Variants in ZNF804B observed in about 807,000 individuals in gnomAD.
ZNF804B encodes the protein zinc finger protein 804B, also known as zinc finger 804B.
ZNF804B carries 80 observed loss-of-function variants against 101.4 expected under a neutral mutation model. The observed-to-expected ratio is 0.79, with a 90% CI of 0.66 to 0.95. The LOEUF is 0.95. ZNF804B is among the 40% of genes least tolerant of loss of function. The pLI is 0.00. For synonymous variants in ZNF804B, 622 were observed against 558.8 expected (o/e 1.11, Z -1.59); for missense variants, 1,673 against 1,561.9 (o/e 1.07, Z -1.20).
chr7:89,064,972 T>C (rs1228884970), intron 1 of ZNF804B, among the ~76,000 whole-genome samples: 1 of 151,964 alleles, frequency 6.6e-6, no homozygotes. Flanking sequence ...AGGAGAAGGC[T>C]AGAAGGGAAA....
At chr7:89,255,898 A>G (rs1185740805) in intron 2 of ZNF804B, among the ~76,000 whole-genome samples, 1 of 152,182 alleles carries the variant, frequency 6.6e-6, no homozygotes, top group Middle Eastern at 3.2e-3. Flanking sequence ...GGCATTTTGC[A>G]GAGGGGGTAA....
intron 2 of ZNF804B, among the ~76,000 whole-genome samples, chr7:89,248,301 A>G (rs1789482694): frequency 6.6e-6 from 1 of 152,140 alleles, no homozygotes; most frequent in Non-Finnish European, 1.5e-5. Context: ...CAAGGCATGT[A>G]GTCACCAGTC....
At chr7:89,300,262 T>C (rs1790453164) in intron 2 of ZNF804B, among the ~76,000 whole-genome samples, 1 of 151,760 alleles carries the variant, frequency 6.6e-6, no homozygotes, top group African/African-American at 2.4e-5. Context: ...TTCTGTCTCA[T>C]CTCTTACCTT....
chr7:88,865,906 CT>C (rs1791719291), intron 1 of ZNF804B, among the ~76,000 whole-genome samples: 1 of 152,222 alleles, frequency 6.6e-6, no homozygotes, highest in Non-Finnish European at 1.5e-5. Flanking sequence ...GCATCCTGCC[CT>C]TCCCTGAATC....
chr7:89,252,182 T>A (rs1393043778), intron 2 of ZNF804B, among the ~76,000 whole-genome samples: 1 of 152,032 alleles, frequency 6.6e-6, no homozygotes, highest in Non-Finnish European at 1.5e-5. Flanking sequence ...ATGTCGAGAA[T>A]CTATAAAAAA....
chr7:88,984,883 C>A (rs1793738865), intron 1 of ZNF804B, among the ~76,000 whole-genome samples: 1 of 151,888 alleles, frequency 6.6e-6, no homozygotes, highest in Admixed American at 6.6e-5. Flanking sequence ...TTTTTTTAAT[C>A]TCCAGAGACA....
chr7:88,777,124 A>G (rs1185223787), intron 1 of ZNF804B, among the ~76,000 whole-genome samples: 1 of 152,284 alleles, frequency 6.6e-6, no homozygotes, highest in African/African-American at 2.4e-5. Flanking sequence ...CTTTGCAGGC[A>G]TCCATGAGCC....
At chr7:88,940,745 G>A (rs1022487678) in intron 1 of ZNF804B, among the ~76,000 whole-genome samples, 10 of 146,052 alleles carry the variant, frequency 6.8e-5, no homozygotes, top group African/African-American at 1.8e-4. Flanking sequence ...GCCAGCCTGG[G>A]CAACAAAGTG....
intron 1 of ZNF804B, among the ~76,000 whole-genome samples, chr7:88,890,025 A>G (rs1792192641): frequency 6.6e-6 from 1 of 152,160 alleles, no homozygotes; most frequent in South Asian, 2.1e-4. Flanking sequence ...CACTTATTGA[A>G]CAAGGAGTCC....
intron 1 of ZNF804B, among the ~76,000 whole-genome samples, chr7:88,907,711 G>A (rs535089991): frequency 6.6e-6 from 1 of 151,846 alleles, no homozygotes; most frequent in African/African-American, 2.4e-5. Context: ...CATGTTCTAA[G>A]CCATTACCAC....
intron 1 of ZNF804B, among the ~76,000 whole-genome samples, chr7:89,087,886 A>G (rs1789829563): frequency 6.6e-6 from 1 of 151,876 alleles, no homozygotes; most frequent in African/African-American, 2.4e-5. Context: ...TATACAGGAA[A>G]TGTCCATGTT....
chr7:88,907,418 A>AT (rs1187707553), intron 1 of ZNF804B, among the ~76,000 whole-genome samples: 1 of 152,000 alleles, frequency 6.6e-6, no homozygotes, highest in Non-Finnish European at 1.5e-5. Flanking sequence ...TAGATGTGTG[A>AT]TTTTAAAAGT....
intron 1 of ZNF804B, among the ~76,000 whole-genome samples, chr7:88,889,203 C>T (rs1292056190): frequency 1.3e-5 from 2 of 151,974 alleles, no homozygotes; most frequent in East Asian, 1.9e-4. Context: ...TGATGGGCAC[C>T]GAGGTTGATT....
intron 2 of ZNF804B, among the ~76,000 whole-genome samples, chr7:89,221,618 T>A (rs1349163300): frequency 6.6e-6 from 1 of 151,978 alleles, no homozygotes; most frequent in African/African-American, 2.4e-5. Context: ...CTAATCAATT[T>A]GTTTTTTTAT....
At chr7:88,985,519 T>TC (rs1793747156) in intron 1 of ZNF804B, among the ~76,000 whole-genome samples, 1 of 152,048 alleles carries the variant, frequency 6.6e-6, no homozygotes, top group Admixed American at 6.6e-5. Context: ...CATGATTCCC[T>TC]CTCCTTTGTG....
At chr7:89,000,919 CTAATA>C (rs923047078) in intron 1 of ZNF804B, among the ~76,000 whole-genome samples, 5 of 147,042 alleles carry the variant, frequency 3.4e-5, no homozygotes, top group Admixed American at 1.4e-4. Flanking sequence ...AATAATATAT[CTAATA>C]TAATATATGT....
chr7:89,150,531 T>A (rs1360438193), intron 1 of ZNF804B, among the ~76,000 whole-genome samples: 1 of 152,130 alleles, frequency 6.6e-6, no homozygotes, highest in Non-Finnish European at 1.5e-5. Context: ...CTTAGGTAGA[T>A]CATTTAACCC....
intron 2 of ZNF804B, among the ~76,000 whole-genome samples, chr7:89,286,328 A>AGT (rs1562937388): frequency 6.6e-6 from 1 of 152,220 alleles, no homozygotes; most frequent in Non-Finnish European, 1.5e-5. Flanking sequence ...CAACAGTATG[A>AGT]AAGATAAACC....
In ZNF804B at chr7:88,953,511, C is replaced by G. The variant is rs138220897; in HGVS notation, c.108+193427C>G. Reference sequence around the variant, plus strand: ...CTGTCTTGATTTTCTGTCACGTTCCCCCAACCTCCGAGCACTGTGATATTA... The same window carrying G: ...CTGTCTTGATTTTCTGTCACGTTCCGCCAACCTCCGAGCACTGTGATATTA... On this transcript the variant is annotated intron_variant, in intron 1 of 3. Transcript: ENST00000333190. Among the ~76,000 whole-genome samples, 789 of 151,766 alleles carry G rather than the reference C, an allele frequency of 5.2e-3. 1 individual carries two copies. Among genetic ancestry groups the G allele is most frequent in the Non-Finnish European group, 8.5e-3 (577 of 67,780 alleles).
Sources: gnomAD v4.1 joint callset for allele counts (sites outside exome capture counted in the v4.1 genomes callset) on GRCh38, gnomAD v4.1.1 for gene constraint, MANE v1.5 for transcripts, NCBI Gene and HGNC (gene_info 2026-07-23, HGNC 2026-07-21) for gene names.